Variants in FCHSD2 observed in about 807,000 individuals in gnomAD.
FCHSD2 encodes FCH and double SH3 domains 2.
FCHSD2 carries 38 observed loss-of-function variants against 108.1 expected under a neutral mutation model. The observed-to-expected ratio is 0.35, with a 90% CI of 0.27 to 0.46. FCHSD2 has a LOEUF of 0.46. FCHSD2 is among the 20% of genes least tolerant of loss of function. FCHSD2 has a pLI of 1.00. For synonymous variants in FCHSD2, 279 were observed against 314.7 expected (o/e 0.89, Z 1.20); for missense variants, 751 against 897.8 (o/e 0.84, Z 2.09).
intron 12 of FCHSD2, among the ~76,000 whole-genome samples, chr11:72,869,001 G>A (rs1854791983): frequency 6.6e-6 from 1 of 151,870 alleles, no homozygotes; most frequent in African/African-American, 2.4e-5. Flanking sequence ...TCACCTCCTG[G>A]GTTCAAGCAA....
In FCHSD2 at chr11:73,083,654, A is replaced by G. The variant is rs538470774; in HGVS notation, c.165+41T>C. 2.0e-5 allele frequency: 27 copies of G among 1,329,232 alleles called. No homozygotes were observed. In the East Asian group the frequency reaches 5.0e-4, roughly 25 times the overall value. The allele number at this position is 1,329,232 out of a possible 1,614,324, so 82.3% of individuals were successfully genotyped here. On this transcript the variant is annotated intron_variant, in intron 3 of 19. Transcript: ENST00000409418. ...CCATCTCTGTCCTTAAGCCACGGAA[A>G]AGAAGTATACCTAGAATGGGACCTC...
At chr11:73,008,985 G>A (rs903488295) in intron 4 of FCHSD2, among the ~76,000 whole-genome samples, 10 of 151,872 alleles carry the variant, frequency 6.6e-5, no homozygotes, top group African/African-American at 2.4e-4. Context: ...TTAGAGAGCT[G>A]AGGGATTTTT....
chr11:72,915,774 C>A (rs1265813588), intron 9 of FCHSD2, among the ~76,000 whole-genome samples: 1 of 152,070 alleles, frequency 6.6e-6, no homozygotes, highest in South Asian at 2.1e-4. Flanking sequence ...GCCGAGATCA[C>A]GCCATTGCTC....
At chr11:72,857,376 C>T (rs904371372) in intron 13 of FCHSD2, among the ~76,000 whole-genome samples, 1 of 151,522 alleles carries the variant, frequency 6.6e-6, no homozygotes, top group Non-Finnish European at 1.5e-5. Flanking sequence ...TCAATCAAAA[C>T]TATTCTTTCT....
intron 10 of FCHSD2, among the ~76,000 whole-genome samples, chr11:72,902,294 T>C (rs1335342464): frequency 6.6e-6 from 1 of 152,200 alleles, no homozygotes; most frequent in African/African-American, 2.4e-5. Flanking sequence ...CCCTCAGTTG[T>C]TTTCAGGTTT....
At chr11:72,913,762 G>A (rs550558821) in intron 9 of FCHSD2, among the ~76,000 whole-genome samples, 98 of 145,608 alleles carry the variant, frequency 6.7e-4, no homozygotes, top group Non-Finnish European at 1.0e-3. Flanking sequence ...CAGTCAAGCC[G>A]AGAGCCAAAT....
At chr11:72,933,536 T>C (rs143942598) in intron 8 of FCHSD2, among the ~76,000 whole-genome samples, 3 of 152,288 alleles carry the variant, frequency 2.0e-5, no homozygotes, top group African/African-American at 7.2e-5. Flanking sequence ...TCATTGTTAT[T>C]TGCAATCAAA....
At chr11:73,121,901 C>T (rs1860743011) in intron 2 of FCHSD2, among the ~76,000 whole-genome samples, 1 of 152,092 alleles carries the variant, frequency 6.6e-6, no homozygotes, top group Non-Finnish European at 1.5e-5. Flanking sequence ...GGTGTTGATA[C>T]CACTGGTCTA....
In FCHSD2 at chr11:72,973,418, G is replaced by GAT. The variant is rs569868031; in HGVS notation, c.705+10668_705+10669dup. On this transcript the variant is annotated intron_variant, in intron 8 of 19. Transcript: ENST00000409418. Reference sequence around the variant, plus strand: ...AAAAGAAAATGGGTAAGTTATTTATGATATATATATACAATGAAATACTAT... The same window carrying GAT: ...AAAAGAAAATGGGTAAGTTATTTATGATATATATATATACAATGAAATACTAT... 1.6e-4 allele frequency among the ~76,000 whole-genome samples: 24 copies of GAT among 151,954 alleles called. 1 individual carries two copies. The East Asian group carries it at 3.3e-3, about 21-fold the overall frequency.
chr11:73,072,010 G>C (rs376683085), intron 3 of FCHSD2, among the ~76,000 whole-genome samples: 1 of 151,904 alleles, frequency 6.6e-6, no homozygotes, highest in Non-Finnish European at 1.5e-5. Context: ...TTTGATCAGC[G>C]GTCAGGGCAG....
At chr11:72,880,695 C>G (rs1855065353) in intron 12 of FCHSD2, among the ~76,000 whole-genome samples, 1 of 151,668 alleles carries the variant, frequency 6.6e-6, no homozygotes, top group Non-Finnish European at 1.5e-5. Flanking sequence ...GCGGGTGGAT[C>G]CCTTGAGCCC....
intron 3 of FCHSD2, among the ~76,000 whole-genome samples, chr11:73,039,172 A>G (rs985148219): frequency 1.2e-4 from 18 of 152,200 alleles, no homozygotes; most frequent in Non-Finnish European, 2.5e-4. Flanking sequence ...AGACTGTCTC[A>G]CTGGGAGTAA....
In FCHSD2 at chr11:72,945,531, A is replaced by C. The variant is rs1181305264; in HGVS notation, c.706-23581T>G. Among the ~76,000 whole-genome samples, 8 of 152,336 alleles carry C rather than the reference A, an allele frequency of 5.3e-5. No homozygotes were observed. In the South Asian group the frequency reaches 1.2e-3, roughly 24 times the overall value. ...AAAACACCAAAAGCAATGGCAACAA[A>C]AGCCAAAATTGACAAATGGGATCTA... On this transcript the variant is annotated intron_variant, in intron 8 of 19. Coordinates refer to ENST00000409418, the MANE Select transcript of FCHSD2 (RefSeq NM_014824.3).
intron 13 of FCHSD2, among the ~76,000 whole-genome samples, chr11:72,863,430 ACCTTGG>A (rs892487408): frequency 2.0e-5 from 3 of 152,166 alleles, no homozygotes; most frequent in African/African-American, 7.2e-5. Context: ...AATCTTTATG[ACCTTGG>A]TTTTAGGCAA....
intron 13 of FCHSD2, among the ~76,000 whole-genome samples, chr11:72,855,407 C>T (rs769454148): frequency 6.6e-6 from 1 of 152,022 alleles, no homozygotes; most frequent in South Asian, 2.1e-4. Flanking sequence ...ACCCGGGAGG[C>T]GGAGGTTGCA....
intron 2 of FCHSD2, among the ~76,000 whole-genome samples, chr11:73,120,419 T>C (rs1860703758): frequency 6.6e-6 from 1 of 152,300 alleles, no homozygotes; most frequent in Non-Finnish European, 1.5e-5. Context: ...TCAGTAAGTG[T>C]ATACCAGGCT....
intron 12 of FCHSD2, among the ~76,000 whole-genome samples, chr11:72,876,457 A>G (rs1854972037): frequency 1.3e-5 from 2 of 152,256 alleles, no homozygotes; most frequent in Non-Finnish European, 2.9e-5. Context: ...TTTGAACAAC[A>G]TAATCTCCAA....
chr11:73,071,609 G>A (rs887523111), intron 3 of FCHSD2, among the ~76,000 whole-genome samples: 1 of 152,090 alleles, frequency 6.6e-6, no homozygotes, highest in Non-Finnish European at 1.5e-5. Context: ...GCTGAGGCAG[G>A]AGAATCGCTT....
chr11:73,126,819 C>T (rs1300246417), intron 2 of FCHSD2, among the ~76,000 whole-genome samples: 1 of 152,154 alleles, frequency 6.6e-6, no homozygotes, highest in African/African-American at 2.4e-5. Context: ...AGGTGGATCA[C>T]TTGAGGTCAG....
Sources: allele counts gnomAD v4.1 joint callset (sites outside exome capture counted in the v4.1 genomes callset), GRCh38; gene constraint gnomAD v4.1.1; transcripts MANE v1.5; gene names NCBI Gene and HGNC (gene_info 2026-07-23, HGNC 2026-07-21).